The following ANGPTL3 variants were observed in gnomAD, a reference collection of about 807,000 sequenced individuals.
The protein encoded by ANGPTL3 is angiopoietin-related protein 3.
In ANGPTL3, 51 loss-of-function variants were observed where a neutral mutation model predicts 52.7. The ratio of observed to expected loss-of-function variants is 0.97; its 90% CI spans 0.77 to 1.22. ANGPTL3 has a LOEUF of 1.22. ANGPTL3 is among the 50% of genes most tolerant of loss of function. The pLI, the probability that ANGPTL3 is intolerant of heterozygous loss-of-function variation, is 0.00. For missense variants in ANGPTL3, 506 were observed against 520.7 expected (o/e 0.97, Z 0.27); for synonymous variants, 185 against 179.8 (o/e 1.03, Z -0.23).
intron 2 of ANGPTL3, among the ~76,000 whole-genome samples, chr1:62,600,507 T>G (rs990249172): frequency 1.3e-5 from 2 of 151,792 alleles, no homozygotes; most frequent in Non-Finnish European, 3.0e-5. Flanking sequence ...TTCAATAAAT[T>G]GCAAACCCAA....
intron 6 of ANGPTL3, 37 bp from the exon 7 acceptor site, chr1:62,604,596 G>C (rs1650674053): frequency 6.3e-7 from 1 of 1,592,072 alleles, no homozygotes; most frequent in East Asian, 2.2e-5. Context: ...CTACATACGA[G>C]TCTGTACCCA....
intron 1 of ANGPTL3, 99 bp downstream of exon 1, chr1:62,598,160 T>C (rs1649569289): frequency 8.9e-7 from 1 of 1,122,432 alleles, no homozygotes; most frequent in Non-Finnish European, 1.2e-6. Flanking sequence ...TTTGTTGCAT[T>C]GTTGAAATAC....
In ANGPTL3 at chr1:62,604,949, T is replaced by G; in HGVS notation, c.*132T>G. On this transcript the variant is annotated 3_prime_UTR_variant, in exon 7 of 7. Transcript: ENST00000371129. ...TTTTTTTTATCTTAAAGTCACTGTC[T>G]ATTTAAGATTAAACATACAATCACA... is the stretch of plus-strand genomic sequence containing the variant. 1 of 880,712 alleles carries G rather than the reference T, an allele frequency of 1.1e-6. No individual in the cohort carries two copies. The highest frequency in any genetic ancestry group is 2.6e-5 in the East Asian group (1 of 38,434). The allele number at this position is 880,712 out of a possible 1,614,324, so 54.6% of individuals were successfully genotyped here.
At chr1:62,600,762 A>G (rs1375485306) in intron 2 of ANGPTL3, among the ~76,000 whole-genome samples, 1 of 151,836 alleles carries the variant, frequency 6.6e-6, no homozygotes, top group Non-Finnish European at 1.5e-5. Flanking sequence ...TATCAAATAT[A>G]TTTTATTCAT....
intron 2 of ANGPTL3, among the ~76,000 whole-genome samples, chr1:62,599,931 G>A (rs545051335): frequency 2.4e-4 from 37 of 151,964 alleles, no homozygotes; most frequent in African/African-American, 7.9e-4. Context: ...AGCTATTCAA[G>A]AGGATTCAAA....
In ANGPTL3 at chr1:62,605,443, C is replaced by T. The variant is rs1346525730; in HGVS notation, c.*626C>T. ...TACTGTATTAAAATAAGTTCGCTGTCTTTAAACAAATGGAGATGACTACTA... is the reference window on the plus strand; with the variant it reads ...TACTGTATTAAAATAAGTTCGCTGTTTTTAAACAAATGGAGATGACTACTA... On this transcript the variant is annotated 3_prime_UTR_variant, in exon 7 of 7. Transcript: ENST00000371129. 1 of 152,862 alleles carries T rather than the reference C, an allele frequency of 6.5e-6. No individual in the cohort carries two copies. The highest frequency in any genetic ancestry group is 1.5e-5 in the Non-Finnish European group (1 of 68,310). The allele number at this position is 152,862 out of a possible 1,614,324, so 9.5% of individuals were successfully genotyped here.
chr1:62,599,294 T>C (rs1469207765), intron 2 of ANGPTL3, among the ~76,000 whole-genome samples: 1 of 152,020 alleles, frequency 6.6e-6, no homozygotes, highest in Non-Finnish European at 1.5e-5. Flanking sequence ...ACATCAAACA[T>C]ACTGCCACCT....
chr1:62,604,520 C>T, intron 6 of ANGPTL3, 113 bp from the exon 7 acceptor site: 2 of 1,110,278 alleles, frequency 1.8e-6, no homozygotes, highest in Non-Finnish European at 2.7e-6. Context: ...GGGATACATG[C>T]ATCTAAAACA....
At chr1:62,603,738 T>C (rs1650504080) in intron 5 of ANGPTL3, among the ~76,000 whole-genome samples, 1 of 151,900 alleles carries the variant, frequency 6.6e-6, no homozygotes, top group Non-Finnish European at 1.5e-5. Context: ...ATATGCATTA[T>C]AGAAAGGATA....
rs770139358 is a variant in ANGPTL3, at chr1:62,604,156, C to G, written c.1119C>G (p.Ile373Met). 1 of 1,613,296 alleles carries G rather than the reference C, an allele frequency of 6.2e-7. No homozygotes were observed. Among genetic ancestry groups the G allele is most frequent in the East Asian group, 2.2e-5 (1 of 44,842 alleles). ...TTACTGGCAATGTCCCCAATGCAAT[C>G]CCGGAAAACAAAGATTTGGTGTTTT... Reference protein sequence around the residue: ...VAITGNVPNAIPENKDLVFST... With the variant: ...VAITGNVPNAMPENKDLVFST... The change falls in exon 6 of 7, where the codon ATC becomes ATG. Residue 373 changes from isoleucine (I) to methionine (M), a missense_variant. By Grantham distance (10) the Ile-to-Met change is conservative. Coordinates refer to ENST00000371129, the MANE Select transcript of ANGPTL3 (RefSeq NM_014495.4).
chr1:62,605,024 C>A lies in ANGPTL3; in HGVS notation c.*207C>A, dbSNP rs1424406250. Reference sequence around the variant, plus strand: ...TTTCTCAATCAAAATTCTTATAATACTATTTGTTTTAAATTTTGTGATGTG... The same window carrying A: ...TTTCTCAATCAAAATTCTTATAATAATATTTGTTTTAAATTTTGTGATGTG... On this transcript the variant is annotated 3_prime_UTR_variant, in exon 7 of 7. Transcript: ENST00000371129. The A allele has an allele frequency of 5.7e-6, 3 of 527,746 alleles. No individual in the cohort carries two copies. Among genetic ancestry groups the A allele is most frequent in the Non-Finnish European group, 9.9e-6 (3 of 303,536 alleles). 32.7% of individuals were successfully genotyped at this position (527,746 alleles called of 1,614,324 possible).
intron 2 of ANGPTL3, among the ~76,000 whole-genome samples, chr1:62,600,033 T>C (rs901456752): frequency 6.6e-6 from 1 of 151,894 alleles, no homozygotes; most frequent in Non-Finnish European, 1.5e-5. Flanking sequence ...TAAACAAACA[T>C]AATGTTAGTA....
In ANGPTL3 at chr1:62,601,825, T is replaced by C. The variant is rs778380462; in HGVS notation, c.778T>C (p.Tyr260His). 8.7e-6 allele frequency: 14 copies of C among 1,610,318 alleles called. No individual in the cohort carries two copies. The highest frequency in any genetic ancestry group is 1.1e-5 in the Non-Finnish European group (13 of 1,177,444). The change falls in exon 4 of 7, where the codon TAT becomes CAT. Residue 260 changes from tyrosine (Y) to histidine (H), a missense_variant. Tyr to His is a moderately conservative substitution (Grantham distance 83). Transcript: ENST00000371129. ...YNRGEHTSGM[Y>H]AIRPSNSQVF... Reference sequence around the variant, plus strand: ...CAGAGGTGAACATACAAGTGGCATGTATGCCATCAGACCCAGCAACTCTCA... The same window carrying C: ...CAGAGGTGAACATACAAGTGGCATGCATGCCATCAGACCCAGCAACTCTCA...
At chr1:62,604,593 C>G (rs372040017) in intron 6 of ANGPTL3, 40 bp from the exon 7 acceptor site, 1 of 1,581,058 alleles carries the variant, frequency 6.3e-7, no homozygotes, top group East Asian at 2.2e-5. Context: ...TAACTACATA[C>G]GAGTCTGTAC....
intron 5 of ANGPTL3, among the ~76,000 whole-genome samples, chr1:62,602,840 AAATAT>A (rs1218271065): frequency 1.3e-5 from 2 of 151,646 alleles, no homozygotes; most frequent in South Asian, 2.1e-4. Context: ...TCAATTATTT[AAATAT>A]AATATATAGA....
rs749257607 is a variant in ANGPTL3 at position 62,597,874 on chromosome 1, C to A, written c.308C>A (p.Thr103Lys). ...GAAGAAAAGGAACTGAGAAGAACTACATATAAACTACAAGTCAAAAATGAA... is the reference window on the plus strand; with the variant it reads ...GAAGAAAAGGAACTGAGAAGAACTAAATATAAACTACAAGTCAAAAATGAA... ...KEEEKELRRT[T>K]YKLQVKNEEV... The change falls in exon 1 of 7, where the codon ACA becomes AAA. Residue 103 changes from threonine to lysine, a missense_variant. Coordinates refer to ENST00000371129, the MANE Select transcript of ANGPTL3 (RefSeq NM_014495.4). 3 of 1,584,856 alleles carry A rather than the reference C, an allele frequency of 1.9e-6. No homozygotes were observed. In the East Asian group the frequency reaches 6.7e-5, roughly 36 times the overall value.
chr1:62,604,582 G>A, intron 6 of ANGPTL3, 51 bp from the exon 7 acceptor site: 2 of 1,545,618 alleles, frequency 1.3e-6, no homozygotes, highest in South Asian at 1.1e-5. Context: ...TACAGTAACA[G>A]TAACTACATA....
Position 62,604,295 on chromosome 1 carries a change from T to C in ANGPTL3, c.1198+60T>C, listed in dbSNP as rs1049193351. ...ATCTTCAAAGTATCTTCCCACATTA[T>C]TAGCTATTATCTGCAATGACAACTT... On this transcript the variant is annotated intron_variant, in intron 6 of 6. Transcript: ENST00000371129. 3.8e-6 allele frequency: 6 copies of C among 1,588,272 alleles called. No individual in the cohort carries two copies. In the African/African-American group the frequency reaches 8.1e-5, roughly 21 times the overall value.
At chr1:62,603,244 C>A (rs1010862567) in intron 5 of ANGPTL3, among the ~76,000 whole-genome samples, 1 of 151,570 alleles carries the variant, frequency 6.6e-6, no homozygotes, top group Non-Finnish European at 1.5e-5. Flanking sequence ...TTGTATTTAC[C>A]AGCAATCCTT....
Sources: gnomAD v4.1 joint callset for allele counts (sites outside exome capture counted in the v4.1 genomes callset) on GRCh38, gnomAD v4.1.1 for gene constraint, MANE v1.5 for transcripts, NCBI Gene and HGNC (gene_info 2026-07-23, HGNC 2026-07-21) for gene names.